CFAP95: variants seen among roughly 807,000 people sequenced by gnomAD.
The protein encoded by CFAP95 is cilia- and flagella-associated protein 95.
chr9:69,838,248 G>GT, the CFAP95 span, among the ~76,000 whole-genome samples: 1 of 152,124 alleles, frequency 6.6e-6, no homozygotes, highest in Admixed American at 6.5e-5. Flanking sequence ...CTTTAAATTA[G>GT]TTTTTTCCAA....
chr9:69,900,353 T>C, the CFAP95 span, among the ~76,000 whole-genome samples: 1 of 152,172 alleles, frequency 6.6e-6, no homozygotes, highest in Non-Finnish European at 1.5e-5. Flanking sequence ...TCCAGATACA[T>C]GAAGAGAAGG....
chr9:69,904,942 A>T, the CFAP95 span, among the ~76,000 whole-genome samples: 1 of 152,204 alleles, frequency 6.6e-6, no homozygotes. Context: ...AGATAGATCT[A>T]ATCTGTAGTC....
chr9:69,833,428 C>G, the CFAP95 span, among the ~76,000 whole-genome samples: 1 of 152,142 alleles, frequency 6.6e-6, no homozygotes, highest in Non-Finnish European at 1.5e-5. Context: ...TCTCAAACTC[C>G]TGACCTCAAG....
At chr9:69,889,310 A>G in the CFAP95 span, among the ~76,000 whole-genome samples, 1 of 152,244 alleles carries the variant, frequency 6.6e-6, no homozygotes, top group Non-Finnish European at 1.5e-5. Context: ...TTGCTTTTCT[A>G]TACGTTGCTT....
chr9:69,828,027 T>G, the CFAP95 span, among the ~76,000 whole-genome samples: 1 of 152,170 alleles, frequency 6.6e-6, no homozygotes, highest in African/African-American at 2.4e-5. Context: ...AGAAGATAAA[T>G]TACAAAGTCA....
At chr9:69,880,402 A>C in the CFAP95 span, among the ~76,000 whole-genome samples, 2 of 152,008 alleles carry the variant, frequency 1.3e-5, no homozygotes, top group Non-Finnish European at 2.9e-5. Flanking sequence ...CGGTGAGAAC[A>C]TGTGATATTT....
chr9:69,898,006 C>T, the CFAP95 span, among the ~76,000 whole-genome samples: 2 of 152,180 alleles, frequency 1.3e-5, no homozygotes, highest in African/African-American at 2.4e-5. Flanking sequence ...GTTGCAACTC[C>T]AGTGCTTCCT....
the CFAP95 span, among the ~76,000 whole-genome samples, chr9:69,872,419 T>G: frequency 1.3e-5 from 2 of 152,308 alleles, no homozygotes; most frequent in South Asian, 4.1e-4. Flanking sequence ...TATAAATATT[T>G]ATGAGGCTGA....
chr9:69,856,740 A>G, the CFAP95 span: 5 of 1,122,930 alleles, frequency 4.5e-6, no homozygotes, highest in Non-Finnish European at 6.6e-6. Flanking sequence ...ATAAGTAGCA[A>G]AAAGGTATAG....
At chr9:69,874,885 G>C in the CFAP95 span, among the ~76,000 whole-genome samples, 1 of 152,188 alleles carries the variant, frequency 6.6e-6, no homozygotes, top group Non-Finnish European at 1.5e-5. Flanking sequence ...TTGGCTGTCA[G>C]TAAGTCCGGG....
chr9:69,886,746 G>A, the CFAP95 span: 4 of 903,056 alleles, frequency 4.4e-6, no homozygotes, highest in Non-Finnish European at 6.9e-6. Context: ...TTCCTGAAAT[G>A]TTTTTATTTC....
chr9:69,853,929 T>C, the CFAP95 span, among the ~76,000 whole-genome samples: 2 of 152,218 alleles, frequency 1.3e-5, no homozygotes, highest in Non-Finnish European at 2.9e-5. Flanking sequence ...AGAAGGACTT[T>C]CCCTGGAAGT....
the CFAP95 span, among the ~76,000 whole-genome samples, chr9:69,861,306 T>C: frequency 2.6e-5 from 4 of 152,204 alleles, no homozygotes; most frequent in Non-Finnish European, 5.9e-5. Flanking sequence ...TGACTCTATT[T>C]TAGCCTCTCC....
At chr9:69,879,373 A>G in the CFAP95 span, among the ~76,000 whole-genome samples, 1 of 152,038 alleles carries the variant, frequency 6.6e-6, no homozygotes, top group Non-Finnish European at 1.5e-5. Flanking sequence ...TTTATTGGAG[A>G]TATTGGTTTG....
chr9:69,905,466 T>C, the CFAP95 span, among the ~76,000 whole-genome samples: 1 of 152,208 alleles, frequency 6.6e-6, no homozygotes, highest in African/African-American at 2.4e-5. Flanking sequence ...TACACTGGGT[T>C]ATGTTGAGGT....
chr9:69,897,246 A>G, the CFAP95 span, among the ~76,000 whole-genome samples: 6 of 152,254 alleles, frequency 3.9e-5, no homozygotes, highest in African/African-American at 1.4e-4. Context: ...ATCATTTTAA[A>G]AGTAAATGGA....
chr9:69,865,524 G>A, the CFAP95 span, among the ~76,000 whole-genome samples: 85,281 of 151,822 alleles, frequency 0.56, 24,276 homozygotes, highest in East Asian at 0.82. Context: ...CCATATTATG[G>A]ATGGCTGACT....
the CFAP95 span, among the ~76,000 whole-genome samples, chr9:69,903,537 C>T: frequency 9.9e-5 from 15 of 152,194 alleles, no homozygotes; most frequent in African/African-American, 3.4e-4. Flanking sequence ...GTTCACTGAC[C>T]TCACTCTGGT....
At chr9:69,850,101 G>A in the CFAP95 span, among the ~76,000 whole-genome samples, 1 of 152,142 alleles carries the variant, frequency 6.6e-6, no homozygotes, top group East Asian at 1.9e-4. Flanking sequence ...GAGAGCCACT[G>A]GGAGGCCAAA....
Sources: gnomAD v4.1 joint callset for allele counts (sites outside exome capture counted in the v4.1 genomes callset) on GRCh38, gnomAD v4.1.1 for gene constraint, MANE v1.5 for transcripts, NCBI Gene and HGNC (gene_info 2026-07-23, HGNC 2026-07-21) for gene names.